The following SAR1A variants were observed in gnomAD, a reference collection of about 807,000 sequenced individuals.
SAR1A encodes small COPII coat GTPase SAR1A.
A neutral mutation model predicts 22.6 loss-of-function variants in SAR1A; 6 were observed. That is an observed-to-expected ratio of 0.27 (90% CI 0.15 to 0.52). SAR1A has a LOEUF of 0.52. SAR1A is among the 20% of genes least tolerant of loss of function. The pLI, the probability that SAR1A is intolerant of heterozygous loss-of-function variation, is 0.96. For synonymous variants in SAR1A, 70 were observed against 82.2 expected (o/e 0.85, Z 0.80); for missense variants, 145 against 245.1 (o/e 0.59, Z 2.73).
At chr10:70,162,464 G>C (rs988317663) in intron 1 of SAR1A, among the ~76,000 whole-genome samples, 3 of 134,516 alleles carry the variant, frequency 2.2e-5, no homozygotes, top group Non-Finnish European at 4.8e-5. Context: ...AGAGGGGAGG[G>C]GAGGCGGGGC....
At chr10:70,159,374 T>A (rs1293512072) in intron 4 of SAR1A, among the ~76,000 whole-genome samples, 3 of 152,182 alleles carry the variant, frequency 2.0e-5, no homozygotes, top group Non-Finnish European at 4.4e-5. Flanking sequence ...AAATGACCAA[T>A]GTTATATTTT....
intron 5 of SAR1A, chr10:70,155,175 A>G (rs1349066223): frequency 1.9e-5 from 9 of 483,520 alleles, no homozygotes; most frequent in African/African-American, 9.9e-5. Flanking sequence ...ATTTTTCAGT[A>G]TAATGAATTC....
At chr10:70,158,757 C>CAGAAAAAA (rs368054677) in intron 4 of SAR1A, among the ~76,000 whole-genome samples, 51 of 125,784 alleles carry the variant, frequency 4.1e-4, no homozygotes, top group Admixed American at 1.5e-3. Flanking sequence ...TTAAGTTATA[C>CAGAAAAAA]AAAAAAAAAA....
intron 1 of SAR1A, among the ~76,000 whole-genome samples, chr10:70,170,127 G>C (rs1317600519): frequency 1.3e-5 from 2 of 152,098 alleles, no homozygotes; most frequent in Non-Finnish European, 2.9e-5. Context: ...TTCGTAAACC[G>C]GAGCGCACGG....
rs986687680 is a variant in SAR1A at position 70,147,424 on chromosome 10, G to A, written c.*5052C>T. The A allele has an allele frequency of 2.6e-5, 4 of 152,180 alleles. No individual in the cohort carries two copies. The highest frequency in any genetic ancestry group is 9.7e-5 in the African/African-American group (4 of 41,448). The allele number at this position is 152,180 out of a possible 1,614,324, so 9.4% of individuals were successfully genotyped here. A position where few individuals can be genotyped will look rare whatever the true frequency, so the allele number is the denominator to read the frequency against. On this transcript the variant is annotated 3_prime_UTR_variant, in exon 7 of 7. Coordinates refer to ENST00000373241, the MANE Select transcript of SAR1A (RefSeq NM_020150.5). ...GAAGGCCAGAATGGAAACAGTTCCA[G>A]TTTGGGGGGACCATACAACTTGTCT...
At position 70,161,870 on chromosome 10, in the gene SAR1A, G is replaced by A; in HGVS notation, c.46C>T (p.Leu16Phe). The change falls in exon 2 of 7, where the codon CTC (leucine) becomes TTC (phenylalanine). Residue 16 changes from leucine (L) to phenylalanine (F), a missense_variant. By Grantham distance (22) the Leu-to-Phe change is conservative (BLOSUM62 0). This residue lies in a region of SAR1A where 22 missense variants were observed against 24.8 expected (regional missense o/e 0.89). Coordinates refer to ENST00000373241, the MANE Select transcript of SAR1A (RefSeq NM_020150.5). ...EWIYNGFSSV[L>F]QFLGLYKKSG... ...GAAATGGCTTTACCTAGGAACTGGA[G>A]CACACTGCTGAAGCCATTGTAGATC... is the stretch of plus-strand genomic sequence containing the variant. 2.5e-6 allele frequency: 4 copies of A among 1,613,278 alleles called. No homozygotes were observed. The highest frequency in any genetic ancestry group is 3.4e-6 in the Non-Finnish European group (4 of 1,179,854).
At chr10:70,166,239 G>A (rs999005476) in intron 1 of SAR1A, among the ~76,000 whole-genome samples, 2 of 152,096 alleles carry the variant, frequency 1.3e-5, no homozygotes, top group Non-Finnish European at 2.9e-5. Flanking sequence ...CAGTATATCC[G>A]AGGTATGCCT....
At chr10:70,163,739 CTA>C (rs1839507541) in intron 1 of SAR1A, 1 of 916,704 alleles carries the variant, frequency 1.1e-6, no homozygotes, top group Admixed American at 1.7e-5. Flanking sequence ...AGTTTTTTCA[CTA>C]TTTGACAAAG....
Position 70,161,713 on chromosome 10 carries a change from A to T in SAR1A, c.84T>A (p.Leu28=). ...FLGLYKKSGK[L]VFLGLDNAGK... is the part of the protein sequence containing the mutation. Reference sequence around the variant, plus strand: ...CTGCATTATCCAAACCTAAGAATACAAGTTTTCCAGATTTCTTGTACAGTC... The same window carrying T: ...CTGCATTATCCAAACCTAAGAATACTAGTTTTCCAGATTTCTTGTACAGTC... The change falls in exon 3 of 7, where the codon CTT becomes CTA. Residue 28 remains leucine, a synonymous_variant. Coordinates refer to ENST00000373241, the MANE Select transcript of SAR1A (RefSeq NM_020150.5). 6.2e-7 allele frequency: 1 copy of T among 1,613,796 alleles called. No individual in the cohort carries two copies. The highest frequency in any genetic ancestry group is 8.5e-7 in the Non-Finnish European group (1 of 1,180,026).
At chr10:70,165,088 A>AC (rs1217911450) in intron 1 of SAR1A, among the ~76,000 whole-genome samples, 1 of 151,602 alleles carries the variant, frequency 6.6e-6, no homozygotes, top group Non-Finnish European at 1.5e-5. Context: ...AAACGGTGAA[A>AC]CCCCGTCTCT....
chr10:70,155,419 A>G (rs1437195999), intron 5 of SAR1A, among the ~76,000 whole-genome samples: 2 of 152,256 alleles, frequency 1.3e-5, no homozygotes, highest in South Asian at 4.1e-4. Flanking sequence ...AGTTAAAGAG[A>G]TAAAGAGGAA....
chr10:70,166,362 A>G (rs1839550226), intron 1 of SAR1A, among the ~76,000 whole-genome samples: 1 of 152,226 alleles, frequency 6.6e-6, no homozygotes, highest in Non-Finnish European at 1.5e-5. Context: ...CAGTCTTATC[A>G]ATAATGTGAA....
intron 6 of SAR1A, among the ~76,000 whole-genome samples, chr10:70,153,347 G>A (rs1054740015): frequency 3.9e-5 from 6 of 152,190 alleles, no homozygotes. Flanking sequence ...CTGACTTGCT[G>A]TGTAGACCTG....
chr10:70,160,786 T>C (rs965828737), intron 4 of SAR1A, among the ~76,000 whole-genome samples: 1 of 152,220 alleles, frequency 6.6e-6, no homozygotes, highest in Admixed American at 6.5e-5. Flanking sequence ...TAGGGTAATA[T>C]TGAAGGGGAC....
intron 5 of SAR1A, 83 bp downstream of exon 5, chr10:70,157,681 C>A: frequency 2.2e-6 from 2 of 915,958 alleles, no homozygotes; most frequent in Admixed American, 2.3e-5. Context: ...ATTGGCACTA[C>A]TGAGCTATAT....
intron 6 of SAR1A, among the ~76,000 whole-genome samples, chr10:70,153,006 T>G (rs939190301): frequency 6.6e-6 from 1 of 151,990 alleles, no homozygotes; most frequent in Non-Finnish European, 1.5e-5. Context: ...ACTGAAGAAA[T>G]GAAGAATTCA....
intron 5 of SAR1A, among the ~76,000 whole-genome samples, chr10:70,156,144 G>A (rs1218372193): frequency 1.3e-5 from 2 of 152,142 alleles, no homozygotes; most frequent in African/African-American, 4.8e-5. Flanking sequence ...GGCAGGATTA[G>A]GTATGAGATT....
At chr10:70,162,916 T>C (rs992224550) in intron 1 of SAR1A, 1 of 152,284 alleles carries the variant, frequency 6.6e-6, no homozygotes, top group Non-Finnish European at 1.5e-5. Context: ...TTGGTATTAC[T>C]AGTATAATTG....
chr10:70,155,516 C>T (rs1243332075), intron 5 of SAR1A, among the ~76,000 whole-genome samples: 2 of 152,088 alleles, frequency 1.3e-5, no homozygotes, highest in South Asian at 2.1e-4. Flanking sequence ...AACAAAGTAC[C>T]TAATGTGTCT....
Sources: allele counts gnomAD v4.1 joint callset (sites outside exome capture counted in the v4.1 genomes callset), GRCh38; gene constraint gnomAD v4.1.1; regional missense constraint gnomAD v4.1.1; transcripts MANE v1.5; gene names NCBI Gene and HGNC (gene_info 2026-07-23, HGNC 2026-07-21).